Variants in MOSPD1 observed in about 807,000 individuals in gnomAD.
The protein encoded by MOSPD1 is motile sperm domain-containing protein 1.
MOSPD1 carries 5 observed loss-of-function variants against 16.7 expected under a neutral mutation model. The observed-to-expected ratio is 0.30, with a 90% CI of 0.16 to 0.63. The LOEUF (loss-of-function observed/expected upper bound fraction) is 0.63, where lower values mean the gene tolerates loss of function less well. MOSPD1 is among the 30% of genes least tolerant of loss of function. MOSPD1 has a pLI of 0.82. For missense variants in MOSPD1, 104 were observed against 153.6 expected (o/e 0.68, Z 1.71); for synonymous variants, 67 against 59.2 (o/e 1.13, Z -0.61).
At chrX:134,914,909 GAGCGAGCTACACACC>G (rs1227967415) in intron 1 of MOSPD1, among the ~76,000 whole-genome samples, 1 of 112,486 alleles carries the variant, frequency 8.9e-6, no homozygotes, top group Admixed American at 9.3e-5. Context: ...GCCCGGGCAG[GAGCGAGCTACACACC>G]AGCTGGCCAG....
chrX:134,907,817 G>T (rs1015710856), intron 1 of MOSPD1, among the ~76,000 whole-genome samples: 13 of 113,080 alleles, frequency 1.1e-4, no homozygotes, highest in African/African-American at 4.2e-4. Context: ...CACCCAGGCT[G>T]GAGTGCATTG....
At chrX:134,897,212 G>A (rs940320493) in intron 3 of MOSPD1, among the ~76,000 whole-genome samples, 178 bp from the exon 4 acceptor site, 13 of 110,770 alleles carry the variant, frequency 1.2e-4, no homozygotes, top group Non-Finnish European at 2.1e-4. Flanking sequence ...TGAGTAATTC[G>A]GAAACATTGG....
chrX:134,894,412 G>C (rs2082876314), intron 4 of MOSPD1, among the ~76,000 whole-genome samples: 1 of 111,464 alleles, frequency 9.0e-6, no homozygotes. Context: ...CTAAGCTAAG[G>C]ACTTGTAAAA....
rs765109385 is a variant in MOSPD1 at position 134,906,174 on chromosome X, C to CTTTTTTTTTTTTTTT, written c.-101-6655_-101-6641dup. Among the ~76,000 whole-genome samples, 5 of 56,658 alleles carry CTTTTTTTTTTTTTTT rather than the reference C, an allele frequency of 8.8e-5. 1 individual carries two copies. The highest frequency in any genetic ancestry group is 2.1e-4 in the Admixed American group (1 of 4,753). 49.2% of individuals were successfully genotyped at this position (56,658 alleles called of 115,157 possible). ...TTCCTATCTCTGTTCCCATTTATCA[C>CTTTTTTTTTTTTTTT]TTTTTTTTTTTTTTTTTTTTTTTGA... is the stretch of plus-strand genomic sequence containing the variant. On this transcript the variant is annotated intron_variant, in intron 1 of 5. Coordinates refer to ENST00000370783, the MANE Select transcript of MOSPD1 (RefSeq NM_019556.3).
At chrX:134,904,333 G>C (rs1473241156) in intron 1 of MOSPD1, among the ~76,000 whole-genome samples, 1 of 111,998 alleles carries the variant, frequency 8.9e-6, no homozygotes, top group Non-Finnish European at 1.9e-5. Context: ...ATTGCTTGTG[G>C]GGAGGTGAAT....
At chrX:134,899,648 G>C (rs766765575) in intron 1 of MOSPD1, 114 bp from the exon 2 acceptor site, 9 of 309,480 alleles carry the variant, frequency 2.9e-5, no homozygotes, top group Non-Finnish European at 4.9e-5. Flanking sequence ...CCCTGAATCG[G>C]CCAGGTGCAG....
At position 134,889,181 on chromosome X, in the gene MOSPD1, T is replaced by C; in HGVS notation, c.622A>G (p.Met208Val). ...CTTGCTCATGTTCTAAGTATGGCCA[T>C]TGTGATAAGACCTGAAAGAAGAAAA... The part of the protein sequence containing the change: ...VAAYILGLIT[M>V]AILRT The change falls in exon 6 of 6, where the codon ATG (methionine) becomes GTG (valine). Residue 208 changes from methionine (M) to valine (V), a missense_variant. Physicochemically the swap from Met to Val is conservative, Grantham distance 21 (BLOSUM62 1). Coordinates refer to ENST00000370783, the MANE Select transcript of MOSPD1 (RefSeq NM_019556.3). 3 of 1,194,973 alleles carry C rather than the reference T, an allele frequency of 2.5e-6. No homozygotes were observed. Among genetic ancestry groups the C allele is most frequent in the South Asian group, 1.8e-5 (1 of 54,136 alleles).
In MOSPD1 at chrX:134,892,904, CAAAA is replaced by C. The variant is rs2082869077; in HGVS notation, c.449-1268_449-1265del. Among the ~76,000 whole-genome samples, 8 of 111,044 alleles carry C rather than the reference CAAAA, an allele frequency of 7.2e-5. No homozygotes were observed. The South Asian group carries it at 3.1e-3, about 43-fold the overall frequency. ...AAGACTCTGTCTCAAAAAAACAAAACAAAAAAGATTAAAAATGTTATCAGACCTG... is the reference window on the plus strand; with the variant it reads ...AAGACTCTGTCTCAAAAAAACAAAACAAGATTAAAAATGTTATCAGACCTG... On this transcript the variant is annotated intron_variant, in intron 4 of 5. Coordinates refer to ENST00000370783, the MANE Select transcript of MOSPD1 (RefSeq NM_019556.3).
chrX:134,913,099 C>T (rs774591199), intron 1 of MOSPD1, among the ~76,000 whole-genome samples: 1 of 110,504 alleles, frequency 9.0e-6, no homozygotes, highest in East Asian at 2.9e-4. Context: ...GTTGGCTGGG[C>T]GTGGTGGCTC....
intron 5 of MOSPD1, among the ~76,000 whole-genome samples, chrX:134,891,216 C>T (rs944760997): frequency 9.0e-6 from 1 of 110,811 alleles, no homozygotes; most frequent in Non-Finnish European, 1.9e-5. Flanking sequence ...GGAATGCATG[C>T]GTCTTACATT....
intron 1 of MOSPD1, among the ~76,000 whole-genome samples, chrX:134,906,329 C>T (rs1344485777): frequency 2.8e-5 from 3 of 107,470 alleles, no homozygotes; most frequent in Non-Finnish European, 3.8e-5. Context: ...GAGGTGCACG[C>T]CACCACGCCT....
At chrX:134,900,374 AG>A (rs1228949420) in intron 1 of MOSPD1, among the ~76,000 whole-genome samples, 1 of 112,187 alleles carries the variant, frequency 8.9e-6, no homozygotes, top group Non-Finnish European at 1.9e-5. Flanking sequence ...CATGGGTGGG[AG>A]AGTTCTTTTA....
rs191202458 is a variant in MOSPD1 at position 134,914,313 on chromosome X, T to C, written c.-102+869A>G. Among the ~76,000 whole-genome samples the C allele has an allele frequency of 3.3e-3, 374 of 111,857 alleles. 2 individuals carry two copies. The highest frequency in any genetic ancestry group is 0.011 in the African/African-American group (342 of 30,804). ...TGCTACTTCAGCTGGAGAGGGCAGATGTCAATTACTTTCTTTCAAAGGGGG... is the reference window on the plus strand; with the variant it reads ...TGCTACTTCAGCTGGAGAGGGCAGACGTCAATTACTTTCTTTCAAAGGGGG... On this transcript the variant is annotated intron_variant, in intron 1 of 5. Coordinates refer to ENST00000370783, the MANE Select transcript of MOSPD1 (RefSeq NM_019556.3).
chrX:134,894,407 C>T (rs1372815836), intron 4 of MOSPD1, among the ~76,000 whole-genome samples: 3 of 111,840 alleles, frequency 2.7e-5, no homozygotes, highest in Non-Finnish European at 5.6e-5. Flanking sequence ...ATTCTCTAAG[C>T]TAAGGACTTG....
At chrX:134,895,546 A>C (rs1272453978) in intron 4 of MOSPD1, among the ~76,000 whole-genome samples, 1 of 111,632 alleles carries the variant, frequency 9.0e-6, no homozygotes, top group African/African-American at 3.3e-5. Flanking sequence ...TTTAAATTAC[A>C]AGTGTAACTT....
At chrX:134,904,135 C>CA (rs773986029) in intron 1 of MOSPD1, among the ~76,000 whole-genome samples, 1 of 112,176 alleles carries the variant, frequency 8.9e-6, no homozygotes, top group East Asian at 2.8e-4. Context: ...CTCTGCATGG[C>CA]AAAAAAACTT....
At chrX:134,904,122 A>C (rs765234632) in intron 1 of MOSPD1, among the ~76,000 whole-genome samples, 56 of 112,781 alleles carry the variant, frequency 5.0e-4, no homozygotes, top group Non-Finnish European at 1.7e-4. Flanking sequence ...ATAACTTTTT[A>C]AACTCTGCAT....
chrX:134,905,199 A>T (rs1268332983), intron 1 of MOSPD1, among the ~76,000 whole-genome samples: 1 of 104,377 alleles, frequency 9.6e-6, no homozygotes, highest in African/African-American at 3.9e-5. Flanking sequence ...CTCTACTAAA[A>T]ATACAAAAAA....
intron 1 of MOSPD1, among the ~76,000 whole-genome samples, chrX:134,909,275 AAAAG>A (rs200512324): frequency 0.1 from 11,524 of 109,977 alleles, 565 homozygotes; most frequent in East Asian, 0.25. Flanking sequence ...CAAAAAAGAA[AAAAG>A]AAAGAAAGAG....
Sources: allele counts gnomAD v4.1 joint callset (sites outside exome capture counted in the v4.1 genomes callset), GRCh38; gene constraint gnomAD v4.1.1; transcripts MANE v1.5; gene names NCBI Gene and HGNC (gene_info 2026-07-23, HGNC 2026-07-21).